The following EXOC7 variants were observed in gnomAD, a reference collection of about 807,000 sequenced individuals.
EXOC7 encodes the protein exocyst complex component 7.
In EXOC7, 51 loss-of-function variants were observed where a neutral mutation model predicts 87.6. The ratio of observed to expected loss-of-function variants is 0.58; its 90% CI spans 0.46 to 0.73. The LOEUF (loss-of-function observed/expected upper bound fraction) is 0.73. Among genes scored for constraint, EXOC7 ranks in the 30% least tolerant of loss-of-function variants. EXOC7 has a pLI of 0.00. For synonymous variants in EXOC7, 327 were observed against 357.1 expected (o/e 0.92, Z 0.95); for missense variants, 744 against 888.4 (o/e 0.84, Z 2.07).
intron 12 of EXOC7, among the ~76,000 whole-genome samples, chr17:76,087,106 C>G (rs868555747): frequency 7.9e-5 from 12 of 152,206 alleles, no homozygotes; most frequent in African/African-American, 2.9e-4. Flanking sequence ...CTGAGAACTG[C>G]AGGCTGGAGG....
intron 17 of EXOC7, 51 bp from the exon 18 acceptor site, chr17:76,084,190 G>A (rs556540290): frequency 1.2e-6 from 2 of 1,600,238 alleles, no homozygotes; most frequent in Admixed American, 1.7e-5. Flanking sequence ...AAACATTTTG[G>A]GTCTGTGTTG....
chr17:76,086,247 C>T (rs1287855232), intron 12 of EXOC7, 102 bp from the exon 13 acceptor site: 2 of 1,155,542 alleles, frequency 1.7e-6, no homozygotes, highest in East Asian at 4.9e-5. Context: ...TGAGACAGGC[C>T]CTGGGCTTCC....
chr17:76,094,214 G>C (rs1387116558), intron 6 of EXOC7, 200 bp downstream of exon 6: 3 of 546,026 alleles, frequency 5.5e-6, no homozygotes, highest in Non-Finnish European at 9.5e-6. Context: ...GGCTCTGCTA[G>C]CTGGAAGGAA....
At chr17:76,093,575 C>T (rs1458193208) in intron 6 of EXOC7, 1 of 152,782 alleles carries the variant, frequency 6.5e-6, no homozygotes, top group Non-Finnish European at 1.5e-5. Flanking sequence ...AGCAGCTGGA[C>T]AGGGGGCCAG....
At chr17:76,088,223 G>C (rs1303696323) in intron 10 of EXOC7, 101 bp from the exon 11 acceptor site, 1 of 1,276,992 alleles carries the variant, frequency 7.8e-7, no homozygotes, top group Non-Finnish European at 1.1e-6. Flanking sequence ...CGGGTGCTAG[G>C]ACACCTCTCA....
At chr17:76,102,210 A>G (rs2068096403) in intron 2 of EXOC7, among the ~76,000 whole-genome samples, 1 of 152,232 alleles carries the variant, frequency 6.6e-6, no homozygotes, top group Non-Finnish European at 1.5e-5. Flanking sequence ...GACTGGAAGT[A>G]GTTTCATACA....
intron 7 of EXOC7, chr17:76,089,643 T>C (rs1157562807): frequency 1.0e-5 from 4 of 397,498 alleles, no homozygotes; most frequent in African/African-American, 2.0e-5. Context: ...ATAAGGTGGT[T>C]TGACCCCAGG....
In EXOC7 at chr17:76,088,376, C is replaced by A; in HGVS notation, c.1299+88G>T. On this transcript the variant is annotated intron_variant, in intron 10 of 18. Transcript: ENST00000589210. The stretch of plus-strand genomic sequence containing the variant: ...TGGCTGCCCCGGGACAACGCACCCT[C>A]TTGGAGGCCTGCTCTGAGAGTCCCC... 2.9e-6 allele frequency: 4 copies of A among 1,360,204 alleles called. No individual in the cohort carries two copies. The South Asian group carries it at 5.0e-5, about 17-fold the overall frequency. The allele number at this position is 1,360,204 out of a possible 1,614,324, so 84.3% of individuals were successfully genotyped here. A position where few individuals can be genotyped will look rare whatever the true frequency, so the allele number is the denominator to read the frequency against.
intron 7 of EXOC7, 42 bp downstream of exon 7, chr17:76,091,101 A>G (rs779586489): frequency 2.6e-6 from 4 of 1,552,942 alleles, no homozygotes; most frequent in Non-Finnish European, 3.6e-6. Flanking sequence ...GTGGACACAC[A>G]GTGGAGGAGG....
In EXOC7 at chr17:76,082,376, C is replaced by T. The variant is rs1379273683; in HGVS notation, c.*1272G>A. On this transcript the variant is annotated 3_prime_UTR_variant, in exon 19 of 19. Coordinates refer to ENST00000589210, the MANE Select transcript of EXOC7 (RefSeq NM_001013839.4). ...TGAGAATCTAAGAAAGGAAGCGATA[C>T]AGGCTGATGACCCCTGGGGTTCGCT... 7 of 1,351,750 alleles carry T rather than the reference C, an allele frequency of 5.2e-6. No homozygotes were observed. In the African/African-American group the frequency reaches 8.8e-5, roughly 17 times the overall value. The allele number at this position is 1,351,750 out of a possible 1,614,324, so 83.7% of individuals were successfully genotyped here.
intron 10 of EXOC7, 59 bp downstream of exon 10, chr17:76,088,405 G>T: frequency 6.5e-7 from 1 of 1,534,636 alleles, no homozygotes; most frequent in East Asian, 2.3e-5. Context: ...AGTCCCCCAG[G>T]GCCAGGTCAC....
At chr17:76,086,938 C>T (rs1405532704) in intron 12 of EXOC7, 2 of 1,522,906 alleles carry the variant, frequency 1.3e-6, no homozygotes, top group African/African-American at 1.4e-5. Flanking sequence ...GAGGGAGAGA[C>T]AAAGGAGGGA....
At chr17:76,101,196 G>A (rs760787609) in intron 4 of EXOC7, 75 bp downstream of exon 4, 1 of 1,612,694 alleles carries the variant, frequency 6.2e-7, no homozygotes, top group Admixed American at 1.7e-5. Context: ...CCTCAAGCTG[G>A]CTCCATGTCC....
chr17:76,095,463 T>C (rs2067705659), intron 5 of EXOC7, among the ~76,000 whole-genome samples: 1 of 152,196 alleles, frequency 6.6e-6, no homozygotes, highest in African/African-American at 2.4e-5. Context: ...AGTACTTTTT[T>C]TTAAATAAAA....
intron 12 of EXOC7, among the ~76,000 whole-genome samples, 183 bp from the exon 13 acceptor site, chr17:76,086,328 T>C (rs1229156794): frequency 1.3e-5 from 2 of 152,216 alleles, no homozygotes; most frequent in African/African-American, 4.8e-5. Context: ...CCTGGAGTTT[T>C]TGGAACCCAG....
At chr17:76,086,295 C>A in intron 12 of EXOC7, 150 bp from the exon 13 acceptor site, 5 of 785,222 alleles carry the variant, frequency 6.4e-6, no homozygotes, top group Admixed American at 2.1e-5. Flanking sequence ...CACAGGGTGG[C>A]CCCTGCCGCA....
At position 76,085,867 on chromosome 17, in the gene EXOC7, C is replaced by T. The variant is rs541706036; in HGVS notation, c.1496-70G>A. The T allele has an allele frequency of 2.2e-4, 340 of 1,572,536 alleles. 1 individual carries two copies. Among genetic ancestry groups the T allele is most frequent in the South Asian group, 1.8e-3 (156 of 86,082 alleles). ...CCAAACGACCCCACCCCAGGACCCG[C>T]GAACGCGCTCCTATCCATCGCTCCT... On this transcript the variant is annotated intron_variant, in intron 13 of 18. Coordinates refer to ENST00000589210, the MANE Select transcript of EXOC7 (RefSeq NM_001013839.4).
chr17:76,087,775 TC>T, intron 11 of EXOC7, 55 bp from the exon 12 acceptor site: 2 of 1,534,336 alleles, frequency 1.3e-6, no homozygotes, highest in Non-Finnish European at 1.8e-6. Flanking sequence ...GCCGACGGCC[TC>T]CCACAGCGAC....
intron 5 of EXOC7, among the ~76,000 whole-genome samples, chr17:76,095,765 C>G (rs1303860377): frequency 6.6e-6 from 1 of 152,140 alleles, no homozygotes; most frequent in African/African-American, 2.4e-5. Context: ...ACACTTACAC[C>G]TAATCCCTGC....
Sources: allele counts gnomAD v4.1 joint callset (sites outside exome capture counted in the v4.1 genomes callset), GRCh38; gene constraint gnomAD v4.1.1; transcripts MANE v1.5; gene names NCBI Gene and HGNC (gene_info 2026-07-23, HGNC 2026-07-21).